Variants in BCAT2 observed in about 807,000 individuals in gnomAD.
BCAT2 encodes the protein branched chain amino acid transaminase 2.
BCAT2 carries 44 observed loss-of-function variants against 52.9 expected under a neutral mutation model. The ratio of observed to expected loss-of-function variants is 0.83; its 90% confidence interval spans 0.65 to 1.07. BCAT2 has a LOEUF of 1.07. Ranked by LOEUF, BCAT2 falls within the 50% of genes least tolerant of loss-of-function variation. BCAT2 has a pLI of 0.00. For synonymous variants in BCAT2, 215 were observed against 217.1 expected, an observed-to-expected ratio of 0.99 and a Z score of 0.08; for missense variants, 478 against 521.8, an observed-to-expected ratio of 0.92 and a Z score of 0.82.
Position 48,799,973 on chromosome 19 carries a change from G to A in BCAT2, c.531+8C>T, listed in dbSNP as rs1280137882. ...AGCCCAGCTTCCCAGCCCTGGAGTT[G>A]GGCCCACCTCGTTCCCAATGAGCAC... is the stretch of plus-strand genomic sequence containing the variant. On this transcript the variant is annotated splice_region_variant and intron_variant, in intron 5 of 10. Transcript: ENST00000316273. This position sits in a 1 kb window ranked among gnomAD's most constrained non-coding sequence, Gnocchi z 5.5. 6.2e-7 allele frequency: 1 copy of A among 1,612,434 alleles called. No individual in the cohort carries two copies. Among genetic ancestry groups the A allele is most frequent in the African/African-American group, 1.3e-5 (1 of 74,898 alleles).
At chr19:48,801,770 G>T (rs953087335) in intron 3 of BCAT2, among the ~76,000 whole-genome samples, 1 of 151,960 alleles carries the variant, frequency 6.6e-6, no homozygotes, top group African/African-American at 2.4e-5. Flanking sequence ...CCAAGTAGCT[G>T]GGATTACAGG....
intron 3 of BCAT2, among the ~76,000 whole-genome samples, chr19:48,804,017 A>G (rs560369576): frequency 2.0e-5 from 3 of 151,994 alleles, no homozygotes; most frequent in Non-Finnish European, 2.9e-5. Flanking sequence ...AAATTAGCCA[A>G]TAGTGGTGCA....
Position 48,796,612 on chromosome 19 carries a change from A to G in BCAT2, c.1031T>C (p.Val344Ala), listed in dbSNP as rs749404872. 6.2e-7 allele frequency: 1 copy of G among 1,613,586 alleles called. No homozygotes were observed. Among genetic ancestry groups the G allele is most frequent in the East Asian group, 2.2e-5 (1 of 44,872 alleles). ...GTACAGGATTCGGTGCACTGGGCAG[A>G]CCTGGCAAGCGGTGCCCGAGCCAAA... ...EVFGSGTACQVCPVHRILYKD... is the reference protein window; with the variant it reads ...EVFGSGTACQACPVHRILYKD... The change falls in exon 9 of 11, where the codon GTC becomes GCC. Residue 344 changes from valine to alanine, a missense_variant. By Grantham distance (64) the Val-to-Ala change is moderately conservative. Transcript: ENST00000316273.
intron 1 of BCAT2, chr19:48,808,108 C>T (rs2034833901): frequency 4.1e-6 from 4 of 987,042 alleles, no homozygotes; most frequent in Non-Finnish European, 4.8e-6. Context: ...AGGTGAGTTG[C>T]TGGGAGATGG....
intron 6 of BCAT2, among the ~76,000 whole-genome samples, chr19:48,798,636 T>G (rs537497339): frequency 2.0e-5 from 3 of 151,832 alleles, no homozygotes; most frequent in African/African-American, 7.3e-5. Context: ...CTTTCTTTTT[T>G]TTTTTTGAGA....
In BCAT2 at chr19:48,807,561, G is replaced by T; in HGVS notation, c.25-487C>A. ...AGCTGCCTCCTCCCTCAGACCCGAA[G>T]TCTGGGCCCCCAGCCCCTCCTCCCT... On this transcript the variant is annotated intron_variant, in intron 1 of 10. Transcript: ENST00000316273. The surrounding 1 kb of genome is among the most constrained non-coding windows in gnomAD (Gnocchi z 4.6). The T allele has an allele frequency of 3.2e-6, 1 of 310,870 alleles. No individual in the cohort carries two copies. The highest frequency in any genetic ancestry group is 4.7e-6 in the Non-Finnish European group (1 of 212,236). 19.3% of individuals were successfully genotyped at this position (310,870 alleles called of 1,614,324 possible).
intron 8 of BCAT2, 100 bp from the exon 9 acceptor site, chr19:48,796,818 A>G (rs2034533755): frequency 6.9e-6 from 11 of 1,590,770 alleles, no homozygotes; most frequent in African/African-American, 4.0e-5. Flanking sequence ...CAGAGGCCCA[A>G]CGGGAGAGAC....
At chr19:48,800,941 T>C (rs1375498022) in intron 3 of BCAT2, among the ~76,000 whole-genome samples, 1 of 151,866 alleles carries the variant, frequency 6.6e-6, no homozygotes, top group Admixed American at 6.6e-5. Flanking sequence ...TGCAGTCCCA[T>C]GCACCAGGGT....
chr19:48,801,415 A>G (rs768345857), intron 3 of BCAT2, among the ~76,000 whole-genome samples: 3 of 152,136 alleles, frequency 2.0e-5, no homozygotes, highest in Non-Finnish European at 2.9e-5. Context: ...TAAATCTACA[A>G]TACTTAAAAC....
chr19:48,798,419 G>C (rs1213948725), intron 6 of BCAT2, among the ~76,000 whole-genome samples: 35 of 152,182 alleles, frequency 2.3e-4, no homozygotes, highest in Non-Finnish European at 8.8e-5. Flanking sequence ...GGCATTCCAG[G>C]CCTGCCTGGG....
Position 48,799,376 on chromosome 19 carries a change from C to T in BCAT2, c.695+299G>A. 3.1e-6 allele frequency: 1 copy of T among 327,418 alleles called. No individual in the cohort carries two copies. 20.3% of individuals were successfully genotyped at this position (327,418 alleles called of 1,614,324 possible). A position where few individuals can be genotyped will look rare whatever the true frequency, so the allele number is the denominator to read the frequency against. Reference sequence around the variant, plus strand: ...GCTTCTGGGGCGAGAAGCCAATGAGCTGAGTGTAAGCTTCACTCCTGGAGG... The same window carrying T: ...GCTTCTGGGGCGAGAAGCCAATGAGTTGAGTGTAAGCTTCACTCCTGGAGG... On this transcript the variant is annotated intron_variant, in intron 6 of 10. Coordinates refer to ENST00000316273, the MANE Select transcript of BCAT2 (RefSeq NM_001190.4). The surrounding 1 kb of genome is among the most constrained non-coding windows in gnomAD (Gnocchi z 5.5).
In BCAT2 at chr19:48,807,777, G is replaced by A. The variant is rs2034824708; in HGVS notation, c.25-703C>T. 4.1e-6 allele frequency: 4 copies of A among 985,844 alleles called. No individual in the cohort carries two copies. In the South Asian group the frequency reaches 1.9e-4, roughly 46 times the overall value. The allele number at this position is 985,844 out of a possible 1,614,324, so 61.1% of individuals were successfully genotyped here. A position where few individuals can be genotyped will look rare whatever the true frequency, so the allele number is the denominator to read the frequency against. On this transcript the variant is annotated intron_variant, in intron 1 of 10. Coordinates refer to ENST00000316273, the MANE Select transcript of BCAT2 (RefSeq NM_001190.4). The surrounding 1 kb of genome is among the most constrained non-coding windows in gnomAD (Gnocchi z 4.6). ...TTACCTGAAATACAAACCCATTTTG[G>A]CAGTGACTCCAATTCCCTTCAGCCC...
intron 3 of BCAT2, among the ~76,000 whole-genome samples, chr19:48,803,833 C>A (rs2034706484): frequency 6.6e-6 from 1 of 152,148 alleles, no homozygotes; most frequent in Non-Finnish European, 1.5e-5. Flanking sequence ...CTGATGGTTG[C>A]ATAACATTGC....
At chr19:48,796,172 T>G in intron 10 of BCAT2, 2 of 537,698 alleles carry the variant, frequency 3.7e-6, no homozygotes, top group Non-Finnish European at 3.3e-6. Context: ...CCGCAGAGGA[T>G]CACAGGAAGG....
rs942670912 is a variant in BCAT2 at position 48,796,731 on chromosome 19, T to G, written c.925-13A>C. 2 of 1,607,622 alleles carry G rather than the reference T, an allele frequency of 1.2e-6. No individual in the cohort carries two copies. Among genetic ancestry groups the G allele is most frequent in the Non-Finnish European group, 1.7e-6 (2 of 1,177,534 alleles). ...CCCGGAACTCACCCTGCAGGGCAGT[T>G]GGCAGAGACACGTGTCCCCAGAGGG... is the stretch of plus-strand genomic sequence containing the variant. On this transcript the variant is annotated splice_polypyrimidine_tract_variant and intron_variant, in intron 8 of 10. Coordinates refer to ENST00000316273, the MANE Select transcript of BCAT2 (RefSeq NM_001190.4).
chr19:48,795,609 A>C (rs949236913), intron 10 of BCAT2, 145 bp from the exon 11 acceptor site: 9 of 883,638 alleles, frequency 1.0e-5, no homozygotes, highest in Middle Eastern at 3.0e-4. Flanking sequence ...GGCCCCAACA[A>C]TGATGGGAAC....
Position 48,806,463 on chromosome 19 carries a change from C to T in BCAT2, c.300+54G>A, listed in dbSNP as rs376342351. 49 of 1,596,642 alleles carry T rather than the reference C, an allele frequency of 3.1e-5. 1 individual carries two copies. The highest frequency in any genetic ancestry group is 6.7e-5 in the East Asian group (3 of 44,788). ...GAGGTACACCTGGCAAGAGACACAG[C>T]AAGGAGGAGGAGATGCAGACAGGGA... On this transcript the variant is annotated intron_variant, in intron 3 of 10. Coordinates refer to ENST00000316273, the MANE Select transcript of BCAT2 (RefSeq NM_001190.4).
chr19:48,801,755 A>G (rs569314230), intron 3 of BCAT2, among the ~76,000 whole-genome samples: 1 of 151,702 alleles, frequency 6.6e-6, no homozygotes, highest in Non-Finnish European at 1.5e-5. Context: ...TTTTGCCTCA[A>G]CCTCCCAAGT....
intron 3 of BCAT2, among the ~76,000 whole-genome samples, chr19:48,804,589 T>C (rs1430026244): frequency 6.6e-6 from 1 of 151,984 alleles, no homozygotes; most frequent in Non-Finnish European, 1.5e-5. Context: ...ATACACGTGG[T>C]CGGCCTGCAA....
Sources: allele counts gnomAD v4.1 joint callset (sites outside exome capture counted in the v4.1 genomes callset), GRCh38; gene constraint gnomAD v4.1.1; non-coding constraint Gnocchi (gnomAD v3.1); transcripts MANE v1.5; gene names NCBI Gene and HGNC (gene_info 2026-07-23, HGNC 2026-07-21).